Variants in DRC11 observed in about 807,000 individuals in gnomAD.
The protein encoded by DRC11 is IQ and AAA domain-containing protein 1.
the DRC11 span, among the ~76,000 whole-genome samples, chr2:236,424,358 T>C: frequency 1.3e-5 from 2 of 152,190 alleles, no homozygotes; most frequent in Non-Finnish European, 2.9e-5. Context: ...GTTTATTTCA[T>C]CTCTCTCCTT....
chr2:236,355,207 T>A, the DRC11 span, among the ~76,000 whole-genome samples: 1 of 151,948 alleles, frequency 6.6e-6, no homozygotes, highest in Non-Finnish European at 1.5e-5. Context: ...CCACAGTGGG[T>A]TTTGATGGAC....
the DRC11 span, among the ~76,000 whole-genome samples, chr2:236,348,162 T>C: frequency 6.6e-6 from 1 of 152,362 alleles, no homozygotes; most frequent in Non-Finnish European, 1.5e-5. This position sits in a 1 kb window ranked among gnomAD's most constrained non-coding sequence, Gnocchi z 7.4. Flanking sequence ...TTAAACATTC[T>C]GTGCTTCTAC....
At chr2:236,370,854 G>A in the DRC11 span, among the ~76,000 whole-genome samples, 1 of 151,862 alleles carries the variant, frequency 6.6e-6, no homozygotes, top group Non-Finnish European at 1.5e-5. The surrounding 1 kb of genome is among the most constrained non-coding windows in gnomAD (Gnocchi z 5.5). Context: ...GGAGGAAGGT[G>A]TTGTCCCCAG....
At chr2:236,436,202 TTTATC>T in the DRC11 span, among the ~76,000 whole-genome samples, 77 of 152,350 alleles carry the variant, frequency 5.1e-4, no homozygotes, top group Middle Eastern at 6.8e-3. Context: ...TCTTTGCTTT[TTTATC>T]AGGGTGTTCC....
chr2:236,505,659 A>G, the DRC11 span, among the ~76,000 whole-genome samples: 15 of 152,070 alleles, frequency 9.9e-5, no homozygotes, highest in Admixed American at 3.9e-4. Flanking sequence ...TGATCGTTCC[A>G]GGCCACCTCC....
At chr2:236,366,345 G>A in the DRC11 span, among the ~76,000 whole-genome samples, 8 of 152,124 alleles carry the variant, frequency 5.3e-5, no homozygotes, top group East Asian at 9.6e-4. Flanking sequence ...CTGGGCAGCC[G>A]CCACCATCAA....
chr2:236,479,658 G>A, the DRC11 span, among the ~76,000 whole-genome samples: 3 of 152,086 alleles, frequency 2.0e-5, no homozygotes, highest in Admixed American at 2.0e-4. The surrounding 1 kb of genome is among the most constrained non-coding windows in gnomAD (Gnocchi z 4.1). Context: ...TTGACTTTTT[G>A]TTGTCTCAAT....
chr2:236,317,163 G>C, the DRC11 span, among the ~76,000 whole-genome samples: 1 of 152,118 alleles, frequency 6.6e-6, no homozygotes, highest in African/African-American at 2.4e-5. The surrounding 1 kb of genome is among the most constrained non-coding windows in gnomAD (Gnocchi z 5.4). Context: ...GGGCATGGTG[G>C]TGCACACTTG....
chr2:236,364,112 T>C, the DRC11 span: 5 of 737,720 alleles, frequency 6.8e-6, no homozygotes, highest in South Asian at 9.7e-5. Flanking sequence ...GTCCAAAGCA[T>C]TTCAAACCAG....
the DRC11 span, chr2:236,368,132 C>G: frequency 1.0e-6 from 1 of 988,736 alleles, no homozygotes; most frequent in African/African-American, 1.6e-5. Context: ...ACACACTGTC[C>G]AAACCAGCAA....
At chr2:236,426,626 C>T in the DRC11 span, among the ~76,000 whole-genome samples, 86 of 152,270 alleles carry the variant, frequency 5.6e-4, no homozygotes, top group East Asian at 1.7e-3. The surrounding 1 kb of genome is among the most constrained non-coding windows in gnomAD (Gnocchi z 4.1). Flanking sequence ...AGGCTCTTCT[C>T]GAAAACCTGT....
the DRC11 span, among the ~76,000 whole-genome samples, chr2:236,426,969 G>A: frequency 1.3e-5 from 2 of 152,196 alleles, no homozygotes; most frequent in Middle Eastern, 3.4e-3. The surrounding 1 kb of genome is among the most constrained non-coding windows in gnomAD (Gnocchi z 4.1). Context: ...TGCATAATTT[G>A]TTGAGTTTTT....
the DRC11 span, among the ~76,000 whole-genome samples, chr2:236,337,390 C>G: frequency 1.1e-3 from 168 of 152,328 alleles, 1 homozygote; most frequent in African/African-American, 3.8e-3. The surrounding 1 kb of genome is among the most constrained non-coding windows in gnomAD (Gnocchi z 4.9). Flanking sequence ...TCTTCTCTTC[C>G]TCTACCTCCA....
the DRC11 span, among the ~76,000 whole-genome samples, chr2:236,434,956 A>C: frequency 7.9e-5 from 12 of 152,198 alleles, no homozygotes. This position sits in a 1 kb window ranked among gnomAD's most constrained non-coding sequence, Gnocchi z 5.5. Flanking sequence ...AGGGCTTGAC[A>C]AACTGCCAAA....
At chr2:236,331,693 G>A in the DRC11 span, 19 of 868,844 alleles carry the variant, frequency 2.2e-5, no homozygotes, top group Non-Finnish European at 3.1e-5. The surrounding 1 kb of genome is among the most constrained non-coding windows in gnomAD (Gnocchi z 4.8). Context: ...CATCAAGAAA[G>A]GAATACACAG....
At chr2:236,325,777 A>T in the DRC11 span, among the ~76,000 whole-genome samples, 6 of 151,840 alleles carry the variant, frequency 4.0e-5, no homozygotes, top group African/African-American at 1.5e-4. The surrounding 1 kb of genome is among the most constrained non-coding windows in gnomAD (Gnocchi z 4.4). Flanking sequence ...TAATTTTTGT[A>T]TTTTTAGTAG....
At chr2:236,368,126 A>G in the DRC11 span, 4 of 911,938 alleles carry the variant, frequency 4.4e-6, no homozygotes, top group Non-Finnish European at 7.1e-6. Context: ...ACAGGAACAC[A>G]CTGTCCAAAC....
the DRC11 span, among the ~76,000 whole-genome samples, chr2:236,477,359 TAAGA>T: frequency 1.3e-5 from 2 of 152,194 alleles, no homozygotes; most frequent in African/African-American, 4.8e-5. Flanking sequence ...ATTAAAATCA[TAAGA>T]AAGAGAAGAT....
chr2:236,471,272 T>C, the DRC11 span, among the ~76,000 whole-genome samples: 10 of 150,416 alleles, frequency 6.6e-5, no homozygotes, highest in African/African-American at 9.7e-5. The surrounding 1 kb of genome is among the most constrained non-coding windows in gnomAD (Gnocchi z 4.6). Flanking sequence ...TCTCTGCTGA[T>C]AGGTTTCCTC....
Sources: allele counts gnomAD v4.1 joint callset (sites outside exome capture counted in the v4.1 genomes callset), GRCh38; gene constraint gnomAD v4.1.1; non-coding constraint Gnocchi (gnomAD v3.1); transcripts MANE v1.5; gene names NCBI Gene and HGNC (gene_info 2026-07-23, HGNC 2026-07-21).